The following SYN2 variants were observed in gnomAD, a reference collection of about 807,000 sequenced individuals.
SYN2 encodes synapsin-2.
SYN2 carries 19 observed loss-of-function variants against 50.9 expected under a neutral mutation model. That is an observed-to-expected ratio of 0.37 (90% CI 0.26 to 0.55). SYN2 has a LOEUF of 0.55. Ranked by LOEUF, SYN2 falls within the 20% of genes least tolerant of loss-of-function variation. The probability of loss-of-function intolerance (pLI) is 0.81; values close to 1 mark genes in which losing one functional copy is unlikely to be tolerated. For missense variants in SYN2, 587 were observed against 576.4 expected, an observed-to-expected ratio of 1.02 and a Z score of -0.19; for synonymous variants, 255 against 224.9, an observed-to-expected ratio of 1.13 and a Z score of -1.20.
intron 1 of SYN2, among the ~76,000 whole-genome samples, chr3:12,078,790 C>T (rs1042944075): frequency 2.0e-5 from 3 of 152,108 alleles, no homozygotes; most frequent in African/African-American, 7.2e-5. Context: ...TATACAAGCT[C>T]TTGTTTGGTT....
chr3:12,057,323 G>GTGTGTGTA (rs1553611276), intron 1 of SYN2, among the ~76,000 whole-genome samples: 1 of 142,088 alleles, frequency 7.0e-6, no homozygotes, highest in African/African-American at 2.5e-5. Flanking sequence ...GTGTGTGTGT[G>GTGTGTGTA]TATACTTTTT....
intron 1 of SYN2, among the ~76,000 whole-genome samples, chr3:12,008,627 A>G (rs1559384077): frequency 2.6e-5 from 4 of 152,224 alleles, no homozygotes; most frequent in African/African-American, 7.2e-5. Flanking sequence ...GGGTATGGCA[A>G]TAACACCAAC....
chr3:12,015,643 CATAAGG>C (rs1574887283), intron 1 of SYN2, among the ~76,000 whole-genome samples: 1 of 152,324 alleles, frequency 6.6e-6, no homozygotes, highest in East Asian at 1.9e-4. Flanking sequence ...CCTTCCGTTA[CATAAGG>C]CTGATTACGT....
chr3:12,033,618 C>A (rs1694430293), intron 1 of SYN2, among the ~76,000 whole-genome samples: 1 of 152,126 alleles, frequency 6.6e-6, no homozygotes, highest in Admixed American at 6.5e-5. Flanking sequence ...CCACTTATTT[C>A]AGAACATCTT....
intron 1 of SYN2, among the ~76,000 whole-genome samples, chr3:12,045,023 G>A (rs191385645): frequency 2.6e-5 from 4 of 152,254 alleles, no homozygotes; most frequent in African/African-American, 4.8e-5. Flanking sequence ...GGTGGAGATG[G>A]AATCATTAGA....
intron 1 of SYN2, among the ~76,000 whole-genome samples, chr3:12,088,659 G>A (rs933857928): frequency 5.5e-4 from 32 of 58,418 alleles, no homozygotes; most frequent in Non-Finnish European, 1.1e-3. Context: ...ACCAATGGAC[G>A]GATAAACAAA....
intron 1 of SYN2, among the ~76,000 whole-genome samples, chr3:12,024,809 G>A (rs1475919126): frequency 1.3e-5 from 2 of 152,158 alleles, no homozygotes; most frequent in Admixed American, 6.5e-5. Flanking sequence ...CCCAGGAGTG[G>A]CATTTGCTGG....
chr3:12,042,297 C>A (rs935278277), intron 1 of SYN2, among the ~76,000 whole-genome samples: 1 of 152,134 alleles, frequency 6.6e-6, no homozygotes, highest in African/African-American at 2.4e-5. Context: ...TGTGATACTT[C>A]TATTTAAAGT....
Position 12,169,801 on chromosome 3 carries a change from G to A in SYN2, c.1203G>A (p.Glu401=), listed in dbSNP as rs1429763811. ...SMPLIGEHQV[E]DRQLITELVI... is the part of the protein sequence containing the mutation. ...CACTGATTGGGGAACATCAGGTGGA[G>A]GACAGGCAACTCATCACCGAACTAG... is the stretch of plus-strand genomic sequence containing the variant. Residue 401 remains glutamate, a synonymous_variant, in exon 10 of 13, where the codon GAG becomes GAA. Coordinates refer to ENST00000621198, the MANE Select transcript of SYN2 (RefSeq NM_133625.6). The A allele has an allele frequency of 1.3e-5, 21 of 1,613,994 alleles. No homozygotes were observed. In the South Asian group the frequency reaches 2.2e-4, roughly 17 times the overall value.
chr3:12,062,826 A>G (rs1488915872), intron 1 of SYN2, among the ~76,000 whole-genome samples: 1 of 152,096 alleles, frequency 6.6e-6, no homozygotes, highest in Non-Finnish European at 1.5e-5. Context: ...AAAAACTGGA[A>G]GCAACCAAGA....
intron 1 of SYN2, among the ~76,000 whole-genome samples, chr3:12,104,570 CT>C (rs796837275): frequency 1.8e-3 from 149 of 81,714 alleles, no homozygotes; most frequent in African/African-American, 7.3e-3. Flanking sequence ...CTTTTCTTTT[CT>C]TTTTTTTTTT....
At chr3:12,066,997 C>T (rs1421784704) in intron 1 of SYN2, among the ~76,000 whole-genome samples, 2 of 152,028 alleles carry the variant, frequency 1.3e-5, no homozygotes, top group Non-Finnish European at 2.9e-5. Flanking sequence ...GGGGGAAAAG[C>T]CCCTTATATA....
rs1559438556 is a variant in SYN2 at position 12,145,902 on chromosome 3, G to C, written c.684+67G>C. 12 of 1,591,592 alleles carry C rather than the reference G, an allele frequency of 7.5e-6. No individual in the cohort carries two copies. The South Asian group carries it at 1.1e-4, about 15-fold the overall frequency. On this transcript the variant is annotated intron_variant, in intron 4 of 12. Transcript: ENST00000621198. ...AGGCCCTACATCTCCCAGGTCCCTAGCAGGGACTCAAGATGCAGTAGGCCC... is the reference window on the plus strand; with the variant it reads ...AGGCCCTACATCTCCCAGGTCCCTACCAGGGACTCAAGATGCAGTAGGCCC...
intron 1 of SYN2, among the ~76,000 whole-genome samples, chr3:12,065,635 G>A (rs563894757): frequency 3.9e-4 from 60 of 152,206 alleles, no homozygotes; most frequent in African/African-American, 1.4e-3. Context: ...CACTTAACAA[G>A]TGGGAGCTAA....
In SYN2 at chr3:12,067,613, C is replaced by T. The variant is rs372287409; in HGVS notation, c.377+62685C>T. On this transcript the variant is annotated intron_variant, in intron 1 of 12. Coordinates refer to ENST00000621198, the MANE Select transcript of SYN2 (RefSeq NM_133625.6). ...CAAGCTCCAGACTCTCTTATCTTAA[C>T]CAGAAAAAAAAAAAAAAGGAAAGAA... Among the ~76,000 whole-genome samples, 23 of 114,536 alleles carry T rather than the reference C, an allele frequency of 2.0e-4. No individual in the cohort carries two copies. The East Asian group carries it at 2.8e-3, about 14-fold the overall frequency. 75.1% of individuals were successfully genotyped at this position (114,536 alleles called of 152,430 possible). A position where few individuals can be genotyped will look rare whatever the true frequency, so the allele number is the denominator to read the frequency against.
chr3:12,111,099 G>A (rs1310023768), intron 1 of SYN2, among the ~76,000 whole-genome samples: 2 of 152,216 alleles, frequency 1.3e-5, no homozygotes, highest in Non-Finnish European at 2.9e-5. Flanking sequence ...ATCTTCCCAT[G>A]TGTTGTGGGA....
At chr3:12,040,751 G>A (rs1163506202) in intron 1 of SYN2, among the ~76,000 whole-genome samples, 1 of 152,096 alleles carries the variant, frequency 6.6e-6, no homozygotes, top group Non-Finnish European at 1.5e-5. Context: ...TCAAAAAAGA[G>A]GATAAAAGAA....
At chr3:12,145,899 C>A in intron 4 of SYN2, 64 bp downstream of exon 4, 1 of 1,593,978 alleles carries the variant, frequency 6.3e-7, no homozygotes. Context: ...TCCCAGGTCC[C>A]TAGCAGGGAC....
intron 1 of SYN2, among the ~76,000 whole-genome samples, chr3:12,100,993 A>G (rs1319777727): frequency 6.6e-6 from 1 of 152,202 alleles, no homozygotes; most frequent in East Asian, 1.9e-4. Flanking sequence ...GTGTTGGTGA[A>G]GAAGTGAAGA....
Sources: allele counts gnomAD v4.1 joint callset (sites outside exome capture counted in the v4.1 genomes callset), GRCh38; gene constraint gnomAD v4.1.1; transcripts MANE v1.5; gene names NCBI Gene and HGNC (gene_info 2026-07-23, HGNC 2026-07-21).